Variants in LPIN2 observed in about 807,000 individuals in gnomAD.
LPIN2 encodes phosphatidate phosphatase LPIN2.
Under a neutral mutation model 111.4 loss-of-function variants are expected in LPIN2, and 55 were observed. That is an observed-to-expected ratio of 0.49 (90% CI 0.40 to 0.62). LPIN2 has a LOEUF of 0.62. LPIN2 is among the 20% of genes least tolerant of loss of function. The probability of loss-of-function intolerance (pLI) is 0.00; values close to 1 mark genes in which losing one functional copy is unlikely to be tolerated. For synonymous variants in LPIN2, 425 were observed against 414.0 expected, an observed-to-expected ratio of 1.03 and a Z score of -0.32; for missense variants, 992 against 1,112.1, an observed-to-expected ratio of 0.89 and a Z score of 1.54.
rs1357856245 is a variant in LPIN2 at position 2,917,883 on chromosome 18, C to T, written c.*2410G>A. ...TCTGCCTGCCATCTCCCTGAGCCGT[C>T]ACCCGTCACTGAAGATAGCGCGAGG... is the stretch of plus-strand genomic sequence containing the variant. On this transcript the variant is annotated 3_prime_UTR_variant, in exon 20 of 20. Coordinates refer to ENST00000677752, the MANE Select transcript of LPIN2 (RefSeq NM_001375808.2). The T allele has an allele frequency of 6.6e-6, 1 of 152,238 alleles. No homozygotes were observed. The highest frequency in any genetic ancestry group is 1.5e-5 in the Non-Finnish European group (1 of 68,048). The allele number at this position is 152,238 out of a possible 1,614,324, so 9.4% of individuals were successfully genotyped here. A position where few individuals can be genotyped will look rare whatever the true frequency, so the allele number is the denominator to read the frequency against.
intron 1 of LPIN2, among the ~76,000 whole-genome samples, chr18:2,985,833 T>C (rs889484926): frequency 1.3e-5 from 2 of 152,206 alleles, no homozygotes; most frequent in Non-Finnish European, 2.9e-5. Context: ...GGCCATACTA[T>C]GGAAACACAA....
Position 2,920,151 on chromosome 18 carries a change from G to A in LPIN2, c.*142C>T. The A allele has an allele frequency of 8.7e-7, 1 of 1,149,906 alleles. No individual in the cohort carries two copies. 71.2% of individuals were successfully genotyped at this position (1,149,906 alleles called of 1,614,324 possible). A position where few individuals can be genotyped will look rare whatever the true frequency, so the allele number is the denominator to read the frequency against. ...GAGCCTGAGCAGCTGGCCTGGGAAG[G>A]CAAAGGAGGATGGCGGGACCAGCTC... On this transcript the variant is annotated 3_prime_UTR_variant, in exon 20 of 20. Transcript: ENST00000677752.
chr18:2,996,477 T>A (rs1271911155), intron 1 of LPIN2, among the ~76,000 whole-genome samples: 5 of 111,768 alleles, frequency 4.5e-5, no homozygotes, highest in Admixed American at 3.2e-4. Flanking sequence ...CTTTTTTTTT[T>A]TTTTTTTTTT....
At chr18:2,951,449 TAAAA>T (rs10570659) in intron 3 of LPIN2, 93 bp from the exon 4 acceptor site, 349 of 827,922 alleles carry the variant, frequency 4.2e-4, no homozygotes, top group Non-Finnish European at 5.1e-4. Flanking sequence ...TTCACCATGG[TAAAA>T]AAAAAAAAAA....
chr18:2,951,218 T>C lies in LPIN2; in HGVS notation c.427A>G (p.Thr143Ala), dbSNP rs775771585. Residue 143 changes from threonine to alanine, a missense_variant, in exon 4 of 20, where the codon ACA becomes GCA. Around this residue, in one of 4 missense-constraint regions of LPIN2, gnomAD observed 709 missense variants for 753.2 expected, o/e 0.94. Transcript: ENST00000677752. ...GAACTTGGAGTAAAAATTGTCTCTG[T>C]TTCCAAGACGTGTGAGATGTCTGAA... ...QSSDISHVLETETIFTPSSVK... is the reference protein window; with the variant it reads ...QSSDISHVLEAETIFTPSSVK... The C allele has an allele frequency of 1.1e-5, 17 of 1,614,174 alleles. No individual in the cohort carries two copies. In the South Asian group the frequency reaches 1.9e-4, roughly 18 times the overall value.
Position 2,921,652 on chromosome 18 carries a change from G to GA in LPIN2, c.2328-6dup. 1.9e-6 allele frequency: 3 copies of GA among 1,569,292 alleles called. No individual in the cohort carries two copies. Among genetic ancestry groups the GA allele is most frequent in the Non-Finnish European group, 2.6e-6 (3 of 1,139,200 alleles). ...GGTTTCTTTTCTATCACTTCTCTAA[G>GA]AAAAAAATACAAATACAATCACCAA... On this transcript the variant is annotated splice_polypyrimidine_tract_variant and splice_region_variant and intron_variant, in intron 17 of 19. Coordinates refer to ENST00000677752, the MANE Select transcript of LPIN2 (RefSeq NM_001375808.2).
intron 1 of LPIN2, among the ~76,000 whole-genome samples, chr18:2,963,025 G>A (rs1489704972): frequency 6.6e-6 from 1 of 152,112 alleles, no homozygotes; most frequent in Non-Finnish European, 1.5e-5. Flanking sequence ...CTGTTATATG[G>A]GAAAACCTAA....
chr18:2,936,817 T>C (rs1198996865), intron 7 of LPIN2, among the ~76,000 whole-genome samples: 1 of 152,148 alleles, frequency 6.6e-6, no homozygotes, highest in East Asian at 1.9e-4. Flanking sequence ...TGAGCTCAAG[T>C]GATCTGTCCA....
intron 1 of LPIN2, among the ~76,000 whole-genome samples, chr18:2,981,948 T>C (rs559345688): frequency 1.3e-5 from 2 of 152,318 alleles, no homozygotes; most frequent in South Asian, 4.1e-4. Flanking sequence ...ACCTTGAAAA[T>C]AGTGTTTCCT....
At chr18:2,999,292 T>C (rs1298656344) in intron 1 of LPIN2, among the ~76,000 whole-genome samples, 5 of 152,184 alleles carry the variant, frequency 3.3e-5, no homozygotes. Flanking sequence ...AGGACTGATG[T>C]CCTTATAAAA....
At chr18:2,941,319 G>C (rs1488096051) in intron 4 of LPIN2, among the ~76,000 whole-genome samples, 3 of 152,074 alleles carry the variant, frequency 2.0e-5, no homozygotes, top group East Asian at 3.9e-4. Flanking sequence ...CCTTTACTTG[G>C]AATCTACAAG....
intron 1 of LPIN2, among the ~76,000 whole-genome samples, chr18:2,968,086 C>T (rs748122069): frequency 4.6e-5 from 7 of 152,132 alleles, no homozygotes; most frequent in Admixed American, 1.3e-4. Flanking sequence ...AAGAACACAG[C>T]GGGTCTCCTG....
intron 4 of LPIN2, among the ~76,000 whole-genome samples, chr18:2,947,668 C>T (rs192476241): frequency 6.6e-6 from 1 of 152,244 alleles, no homozygotes; most frequent in East Asian, 1.9e-4. Context: ...CAAAACAAAA[C>T]AGAAACCTAT....
intron 1 of LPIN2, among the ~76,000 whole-genome samples, chr18:2,994,266 C>A (rs191653105): frequency 6.6e-6 from 1 of 152,290 alleles, no homozygotes; most frequent in East Asian, 1.9e-4. Context: ...TCATTTCAGA[C>A]CTCTAGGAAA....
chr18:2,964,791 C>A (rs1171857484), intron 1 of LPIN2, among the ~76,000 whole-genome samples: 10 of 152,048 alleles, frequency 6.6e-5, no homozygotes, highest in Non-Finnish European at 4.4e-5. Context: ...TGTCAGAGAA[C>A]TATTATGTCC....
intron 6 of LPIN2, among the ~76,000 whole-genome samples, chr18:2,938,770 A>C (rs1404406203): frequency 6.6e-6 from 1 of 152,240 alleles, no homozygotes; most frequent in Non-Finnish European, 1.5e-5. Context: ...CAGAAGATCT[A>C]AACATTTTCT....
Position 2,964,121 on chromosome 18 carries a change from A to C in LPIN2, c.-9-3272T>G, listed in dbSNP as rs972596837. Among the ~76,000 whole-genome samples the C allele has an allele frequency of 2.6e-5, 4 of 151,478 alleles. 1 individual carries two copies. The highest frequency in any genetic ancestry group is 1.3e-4 in the Admixed American group (2 of 15,232). On this transcript the variant is annotated intron_variant, in intron 1 of 19. Coordinates refer to ENST00000677752, the MANE Select transcript of LPIN2 (RefSeq NM_001375808.2). Reference sequence around the variant, plus strand: ...ACACGGTGAAGGCCCGTCTTTACTAAAAATACAAAAAATTAGCCGGGCGTG... The same window carrying C: ...ACACGGTGAAGGCCCGTCTTTACTACAAATACAAAAAATTAGCCGGGCGTG...
In LPIN2 at chr18:2,951,085, G is replaced by A. The variant is rs876660983; in HGVS notation, c.560C>T (p.Ser187Phe). The change falls in exon 4 of 20, where the codon TCC (serine) becomes TTC (phenylalanine). Residue 187 changes from serine (S) to phenylalanine (F), a missense_variant. By Grantham distance (155) the Ser-to-Phe change is radical. This residue lies in a region of LPIN2 where 709 missense variants were observed against 753.2 expected (regional missense o/e 0.94). Transcript: ENST00000677752. ...AEDTCDVGVS[S>F]DDDKGAQAAR... ...TGCCTGGGCCCCCTTGTCATCATCG[G>A]AGCTCACGCCTACATCACATGTGTC... 6.2e-7 allele frequency: 1 copy of A among 1,614,178 alleles called. No homozygotes were observed. Among genetic ancestry groups the A allele is most frequent in the Non-Finnish European group, 8.5e-7 (1 of 1,180,040 alleles).
intron 1 of LPIN2, among the ~76,000 whole-genome samples, chr18:2,965,228 CA>C (rs1338730408): frequency 6.6e-6 from 1 of 152,028 alleles, no homozygotes; most frequent in Non-Finnish European, 1.5e-5. Context: ...TTCAATACGC[CA>C]AATTAGTCCT....
Sources: gnomAD v4.1 joint callset for allele counts (sites outside exome capture counted in the v4.1 genomes callset) on GRCh38, gnomAD v4.1.1 for gene constraint, gnomAD v4.1.1 regional missense constraint, MANE v1.5 for transcripts, NCBI Gene and HGNC (gene_info 2026-07-23, HGNC 2026-07-21) for gene names.